Variants in USP15 observed in about 807,000 individuals in gnomAD.
USP15 encodes the protein ubiquitin carboxyl-terminal hydrolase 15.
In USP15, 18 loss-of-function variants were observed where a neutral mutation model predicts 127.1. The ratio of observed to expected loss-of-function variants is 0.14; its 90% CI spans 0.10 to 0.21. The LOEUF is 0.21. USP15 is among the 10% of genes least tolerant of loss of function. The pLI is 1.00. For missense variants in USP15, 805 were observed against 1,159.9 expected, an observed-to-expected ratio of 0.69 and a Z score of 4.44; for synonymous variants, 364 against 393.7, an observed-to-expected ratio of 0.92 and a Z score of 0.89.
At chr12:62,367,132 TG>T (rs1380071181) in intron 8 of USP15, among the ~76,000 whole-genome samples, 24 of 152,344 alleles carry the variant, frequency 1.6e-4, no homozygotes, top group Admixed American at 7.8e-4. Context: ...TTTGTACCTC[TG>T]GTAGAATTCG....
chr12:62,274,795 A>G (rs1288757945), intron 1 of USP15, among the ~76,000 whole-genome samples: 3 of 152,202 alleles, frequency 2.0e-5, no homozygotes, highest in Non-Finnish European at 4.4e-5. Flanking sequence ...TTAAACATTT[A>G]TATTATGCAG....
intron 4 of USP15, among the ~76,000 whole-genome samples, chr12:62,320,064 A>C (rs1409353928): frequency 6.6e-6 from 1 of 152,134 alleles, no homozygotes; most frequent in African/African-American, 2.4e-5. Flanking sequence ...ATACATGTTC[A>C]CTTTAATAAA....
chr12:62,304,731 G>C (rs573224353), intron 3 of USP15: 1 of 452,356 alleles, frequency 2.2e-6, no homozygotes, highest in East Asian at 7.0e-5. Flanking sequence ...AAATACGATG[G>C]AATCAAAATC....
chr12:62,399,621 T>G (rs2137659889), intron 20 of USP15, among the ~76,000 whole-genome samples: 1 of 152,274 alleles, frequency 6.6e-6, no homozygotes, highest in East Asian at 1.9e-4. Flanking sequence ...AGAACAGGGT[T>G]CTCAATTTTT....
At chr12:62,328,084 T>C (rs1227718877) in intron 6 of USP15, among the ~76,000 whole-genome samples, 1 of 152,146 alleles carries the variant, frequency 6.6e-6, no homozygotes, top group Non-Finnish European at 1.5e-5. Context: ...TTGAGAAATT[T>C]TGAGCACAAT....
At chr12:62,333,277 T>C (rs1271000683) in intron 6 of USP15, among the ~76,000 whole-genome samples, 1 of 152,150 alleles carries the variant, frequency 6.6e-6, no homozygotes, top group Non-Finnish European at 1.5e-5. Flanking sequence ...GTTGTTGTTG[T>C]TGTTTTAAGA....
At chr12:62,320,406 C>T (rs1379949110) in intron 4 of USP15, among the ~76,000 whole-genome samples, 1 of 152,306 alleles carries the variant, frequency 6.6e-6, no homozygotes, top group South Asian at 2.1e-4. Flanking sequence ...GCTTCTTGTA[C>T]AGCCCATGGA....
intron 11 of USP15, 37 bp downstream of exon 11, chr12:62,384,339 T>C: frequency 6.9e-7 from 1 of 1,454,614 alleles, no homozygotes. Context: ...TTTTTTTTTT[T>C]TTTTTTTGCA....
At chr12:62,277,741 TA>T (rs1322292529) in intron 1 of USP15, 2 of 152,142 alleles carry the variant, frequency 1.3e-5, no homozygotes, top group African/African-American at 4.8e-5. Flanking sequence ...CATAATGTTT[TA>T]AGAAAGTTTA....
At chr12:62,359,155 C>T (rs1020933938) in intron 8 of USP15, among the ~76,000 whole-genome samples, 2 of 151,220 alleles carry the variant, frequency 1.3e-5, no homozygotes, top group South Asian at 2.1e-4. Context: ...CATCTGCTTT[C>T]CTTTACTTTC....
intron 2 of USP15, among the ~76,000 whole-genome samples, chr12:62,300,497 A>G (rs1021400277): frequency 6.6e-6 from 1 of 152,148 alleles, no homozygotes; most frequent in South Asian, 2.1e-4. Context: ...AGTTAACACT[A>G]TTTGATTTCA....
rs372870024 is a variant in USP15 at position 62,371,083 on chromosome 12, C to G, written c.916-10407C>G. On this transcript the variant is annotated intron_variant, in intron 8 of 21. Coordinates refer to ENST00000280377, the MANE Select transcript of USP15 (RefSeq NM_001252078.2). Reference sequence around the variant, plus strand: ...TTCCATCATTTGTCCTCTTCAAATCCATTGAATACAGTGCTTCCAAATTTA... The same window carrying G: ...TTCCATCATTTGTCCTCTTCAAATCGATTGAATACAGTGCTTCCAAATTTA... 2.6e-5 allele frequency among the ~76,000 whole-genome samples: 4 copies of G among 152,068 alleles called. No individual in the cohort carries two copies. In the East Asian group the frequency reaches 7.7e-4, roughly 29 times the overall value.
intron 19 of USP15, 95 bp from the exon 20 acceptor site, chr12:62,396,200 A>G: frequency 4.0e-6 from 3 of 747,258 alleles, no homozygotes; most frequent in Non-Finnish European, 6.2e-6. Context: ...AGATATAGAT[A>G]TATATATGTA....
intron 8 of USP15, among the ~76,000 whole-genome samples, chr12:62,377,551 C>T (rs1025599188): frequency 1.3e-5 from 2 of 151,918 alleles, no homozygotes; most frequent in Admixed American, 1.3e-4. Context: ...GAAACCCCGT[C>T]TCCACTAAAA....
chr12:62,318,395 C>T (rs2064893116), intron 4 of USP15, among the ~76,000 whole-genome samples: 1 of 152,168 alleles, frequency 6.6e-6, no homozygotes, highest in African/African-American at 2.4e-5. Context: ...ATTTTCCTGA[C>T]CTGCCAGCAA....
At chr12:62,366,388 G>A (rs1261476235) in intron 8 of USP15, among the ~76,000 whole-genome samples, 2 of 152,104 alleles carry the variant, frequency 1.3e-5, no homozygotes, top group Non-Finnish European at 2.9e-5. Context: ...TGTGATTTTT[G>A]CACATTGATT....
intron 1 of USP15, among the ~76,000 whole-genome samples, chr12:62,292,614 C>T (rs570165973): frequency 5.3e-5 from 8 of 152,308 alleles, no homozygotes; most frequent in African/African-American, 1.9e-4. Context: ...GGCTCAAGCA[C>T]AGAGGCCACT....
rs565634099 is a variant in USP15, at chr12:62,406,808, A to T, written c.*2433A>T. 6.6e-6 allele frequency: 1 copy of T among 151,278 alleles called. No individual in the cohort carries two copies. The highest frequency in any genetic ancestry group is 6.6e-5 in the Admixed American group (1 of 15,132). The allele number at this position is 151,278 out of a possible 1,614,324, so 9.4% of individuals were successfully genotyped here. ...GAACCTCATCTGTACAAATATATGTATTTTTTTTTAATTAGCTGGGTGTGC... is the reference window on the plus strand; with the variant it reads ...GAACCTCATCTGTACAAATATATGTTTTTTTTTTTAATTAGCTGGGTGTGC... On this transcript the variant is annotated 3_prime_UTR_variant, in exon 22 of 22. Transcript: ENST00000280377.
intron 21 of USP15, among the ~76,000 whole-genome samples, 166 bp downstream of exon 21, chr12:62,401,441 T>C (rs561151820): frequency 2.6e-5 from 4 of 152,018 alleles, no homozygotes; most frequent in Non-Finnish European, 5.9e-5. Flanking sequence ...GTCCCCTAAA[T>C]GGAAATTTGT....
Sources: allele counts gnomAD v4.1 joint callset (sites outside exome capture counted in the v4.1 genomes callset), GRCh38; gene constraint gnomAD v4.1.1; transcripts MANE v1.5; gene names NCBI Gene and HGNC (gene_info 2026-07-23, HGNC 2026-07-21).